ACSF3: variants seen among roughly 807,000 people sequenced by gnomAD.
ACSF3 encodes the protein malonate--CoA ligase ACSF3, mitochondrial.
ACSF3 carries 78 observed loss-of-function variants against 53.2 expected under a neutral mutation model. The ratio of observed to expected loss-of-function variants is 1.47; its 90% CI spans 1.22 to 1.77. ACSF3 has a LOEUF of 1.77. Ranked by LOEUF, ACSF3 falls within the 40% of genes most tolerant of loss-of-function variation. The pLI, the probability that ACSF3 is intolerant of heterozygous loss-of-function variation, is 0.00. For synonymous variants in ACSF3, 414 were observed against 333.1 expected (o/e 1.24, Z -2.65); for missense variants, 937 against 771.1 (o/e 1.22, Z -2.55).
chr16:89,141,358 A>G, intron 8 of ACSF3: 1 of 1,245,190 alleles, frequency 8.0e-7, no homozygotes, highest in Non-Finnish European at 1.1e-6. Context: ...CTGAGAAGCT[A>G]GAACAAAGCC....
Position 89,154,815 on chromosome 16 carries a change from CTG to C in ACSF3, c.*614_*615del, listed in dbSNP as rs1448583528. The C allele has an allele frequency of 4.4e-6, 2 of 454,060 alleles. No homozygotes were observed. Among genetic ancestry groups the C allele is most frequent in the Admixed American group, 2.3e-5 (1 of 42,566 alleles). 28.1% of individuals were successfully genotyped at this position (454,060 alleles called of 1,614,324 possible). A position where few individuals can be genotyped will look rare whatever the true frequency, so the allele number is the denominator to read the frequency against. ...GGGACACCTGCCACCCTGCACACTACTGTGTGTCCATCAGCATGTGTCACAGA... is the reference window on the plus strand; with the variant it reads ...GGGACACCTGCCACCCTGCACACTACTGTGTCCATCAGCATGTGTCACAGA... On this transcript the variant is annotated 3_prime_UTR_variant, in exon 11 of 11. Transcript: ENST00000614302.
chr16:89,155,247 G>A lies in ACSF3; in HGVS notation c.*1040G>A, dbSNP rs1047794869. ...GGGAAGTAACAGTCATCGCCCAGCA[G>A]TGTCTGGCCTGAACTTACCCAGAAC... On this transcript the variant is annotated 3_prime_UTR_variant, in exon 11 of 11. Transcript: ENST00000614302. 1.5e-5 allele frequency: 7 copies of A among 454,166 alleles called. No individual in the cohort carries two copies. Among genetic ancestry groups the A allele is most frequent in the African/African-American group, 8.0e-5 (4 of 50,136 alleles). 28.1% of individuals were successfully genotyped at this position (454,166 alleles called of 1,614,324 possible).
intron 10 of ACSF3, chr16:89,152,690 G>A (rs1267178961): frequency 2.6e-5 from 4 of 152,164 alleles, no homozygotes; most frequent in Non-Finnish European, 5.9e-5. Context: ...TTAAATGCCT[G>A]TCATAGTTTT....
intron 4 of ACSF3, among the ~76,000 whole-genome samples, chr16:89,104,417 C>T (rs1377421250): frequency 1.3e-5 from 2 of 152,200 alleles, no homozygotes; most frequent in Non-Finnish European, 1.5e-5. Flanking sequence ...GCCCAGAGCA[C>T]AGCAGCCACC....
intron 5 of ACSF3, chr16:89,113,915 T>G (rs1413770419): frequency 6.1e-6 from 2 of 325,358 alleles, no homozygotes; most frequent in Non-Finnish European, 1.2e-5. Context: ...CCGGCTGTAG[T>G]CCCCGGATGT....
At position 89,154,723 on chromosome 16, in the gene ACSF3, C is replaced by G. The variant is rs940082537; in HGVS notation, c.*516C>G. On this transcript the variant is annotated 3_prime_UTR_variant, in exon 11 of 11. Coordinates refer to ENST00000614302, the MANE Select transcript of ACSF3 (RefSeq NM_001243279.3). ...TGAGGGTTCACAAGCCTCCCAGAAC[C>G]AGCCCTGTCCCATGGGTTCCGTGCA... 1 of 454,238 alleles carries G rather than the reference C, an allele frequency of 2.2e-6. No homozygotes were observed. Among genetic ancestry groups the G allele is most frequent in the Non-Finnish European group, 4.4e-6 (1 of 226,858 alleles). 28.1% of individuals were successfully genotyped at this position (454,238 alleles called of 1,614,324 possible).
intron 8 of ACSF3, among the ~76,000 whole-genome samples, chr16:89,139,820 C>T (rs1471567752): frequency 6.6e-6 from 1 of 152,092 alleles, no homozygotes; most frequent in Non-Finnish European, 1.5e-5. Context: ...GTCTCGATCT[C>T]CTGACCTCGT....
At chr16:89,142,904 A>T (rs1912140111) in intron 8 of ACSF3, among the ~76,000 whole-genome samples, 1 of 152,198 alleles carries the variant, frequency 6.6e-6, no homozygotes, top group African/African-American at 2.4e-5. Context: ...TGTGAAGGGC[A>T]CTCATTCCTT....
Position 89,154,854 on chromosome 16 carries a change from C to A in ACSF3, c.*647C>A, listed in dbSNP as rs569688994. The A allele has an allele frequency of 2.2e-6, 1 of 454,136 alleles. No individual in the cohort carries two copies. The highest frequency in any genetic ancestry group is 4.4e-6 in the Non-Finnish European group (1 of 226,792). 28.1% of individuals were successfully genotyped at this position (454,136 alleles called of 1,614,324 possible). A position where few individuals can be genotyped will look rare whatever the true frequency, so the allele number is the denominator to read the frequency against. On this transcript the variant is annotated 3_prime_UTR_variant, in exon 11 of 11. Coordinates refer to ENST00000614302, the MANE Select transcript of ACSF3 (RefSeq NM_001243279.3). ...GCATGTGTCACAGAAAGTGCGTGGA[C>A]GGATGGCCCCGGAGCTGCTCTGCCG...
intron 6 of ACSF3, among the ~76,000 whole-genome samples, chr16:89,119,099 C>G (rs112298980): frequency 6.6e-6 from 1 of 151,420 alleles, no homozygotes; most frequent in Admixed American, 6.6e-5. Context: ...CCCTGAAGCT[C>G]TCACGGGCGG....
In ACSF3 at chr16:89,098,610, G is replaced by A; in HGVS notation, c.-174G>A. The A allele has an allele frequency of 2.2e-6, 1 of 452,748 alleles. No homozygotes were observed. Among genetic ancestry groups the A allele is most frequent in the Non-Finnish European group, 4.4e-6 (1 of 225,546 alleles). The allele number at this position is 452,748 out of a possible 1,614,324, so 28.0% of individuals were successfully genotyped here. A position where few individuals can be genotyped will look rare whatever the true frequency, so the allele number is the denominator to read the frequency against. On this transcript the variant is annotated 5_prime_UTR_variant, in exon 2 of 11. Transcript: ENST00000614302. The stretch of plus-strand genomic sequence containing the variant: ...TGACAGGTGTCCCACCGGCCTTCCG[G>A]GTTCCAGCGCCAGGCCTGGTGCCTG...
chr16:89,114,073 C>T (rs747631343), intron 5 of ACSF3: 1 of 519,504 alleles, frequency 1.9e-6, no homozygotes, highest in Non-Finnish European at 3.6e-6. Flanking sequence ...ACATTGTTTA[C>T]CCTCATTAGC....
intron 4 of ACSF3, among the ~76,000 whole-genome samples, chr16:89,105,828 C>T (rs1351347766): frequency 1.3e-5 from 2 of 152,144 alleles, no homozygotes. Flanking sequence ...GTTCCATCGT[C>T]CCGGAGGGCA....
chr16:89,095,780 G>A lies in ACSF3; in HGVS notation c.-194+1784G>A, dbSNP rs10163415. ...GTTTGTCTTCTGCCTGGCCTGTGCC[G>A]GGCCATTCGTACATTCTCACGTGAA... On this transcript the variant is annotated intron_variant, in intron 1 of 10. Coordinates refer to ENST00000614302, the MANE Select transcript of ACSF3 (RefSeq NM_001243279.3). Among the ~76,000 whole-genome samples the A allele has an allele frequency of 6.6e-3, 1,010 of 152,336 alleles. 16 individuals are homozygous for A. The highest frequency in any genetic ancestry group is 0.035 in the South Asian group (171 of 4,822).
intron 6 of ACSF3, among the ~76,000 whole-genome samples, chr16:89,119,361 C>T (rs543156333): frequency 1.3e-5 from 2 of 152,282 alleles, no homozygotes; most frequent in Middle Eastern, 3.4e-3. Context: ...TCTTATGAAA[C>T]GCCCAGAACA....
chr16:89,112,642 G>A (rs538687757), intron 5 of ACSF3, among the ~76,000 whole-genome samples: 6 of 151,202 alleles, frequency 4.0e-5, no homozygotes, highest in Middle Eastern at 3.4e-3. Context: ...CTGTCTCTCC[G>A]TCTTCTCTTT....
intron 3 of ACSF3, among the ~76,000 whole-genome samples, chr16:89,101,669 A>G (rs1346240677): frequency 6.6e-6 from 1 of 152,150 alleles, no homozygotes; most frequent in Non-Finnish European, 1.5e-5. Flanking sequence ...GAGGCCAGCC[A>G]CGTGTTAGGA....
chr16:89,139,043 C>A (rs189900614), intron 8 of ACSF3, among the ~76,000 whole-genome samples: 213 of 152,334 alleles, frequency 1.4e-3, no homozygotes, highest in African/African-American at 5.0e-3. Flanking sequence ...TTTTTGCTGC[C>A]ATGGCTTGAG....
intron 8 of ACSF3, among the ~76,000 whole-genome samples, chr16:89,143,936 G>T (rs1912389386): frequency 6.6e-6 from 1 of 152,240 alleles, no homozygotes; most frequent in East Asian, 1.9e-4. Context: ...AAGTATTTAT[G>T]ATTTATTCCA....
Sources: allele counts gnomAD v4.1 joint callset (sites outside exome capture counted in the v4.1 genomes callset), GRCh38; gene constraint gnomAD v4.1.1; transcripts MANE v1.5; gene names NCBI Gene and HGNC (gene_info 2026-07-23, HGNC 2026-07-21).